The following DISC1 variants were observed in gnomAD, a reference collection of about 807,000 sequenced individuals.
DISC1 encodes disrupted in schizophrenia 1 protein.
Under a neutral mutation model 84.5 loss-of-function variants are expected in DISC1, and 57 were observed. The ratio of observed to expected loss-of-function variants is 0.67; its 90% CI spans 0.55 to 0.84. The LOEUF is 0.84. Ranked by LOEUF, DISC1 falls within the 40% of genes least tolerant of loss-of-function variation. The pLI, the probability that DISC1 is intolerant of heterozygous loss-of-function variation, is 0.00. For synonymous variants in DISC1, 411 were observed against 415.2 expected (o/e 0.99, Z 0.12); for missense variants, 1,000 against 1,057.8 (o/e 0.95, Z 0.76).
At chr1:231,683,311 A>T (rs1283359916) in intron 1 of DISC1, among the ~76,000 whole-genome samples, 1 of 152,088 alleles carries the variant, frequency 6.6e-6, no homozygotes, top group Non-Finnish European at 1.5e-5. Context: ...GCCTCCTAGA[A>T]TCACCTGGAT....
At chr1:231,652,819 G>A (rs1214212892) in intron 1 of DISC1, among the ~76,000 whole-genome samples, 9 of 151,872 alleles carry the variant, frequency 5.9e-5, no homozygotes, top group Admixed American at 1.3e-4. Context: ...TCGCTCTGTC[G>A]CCCAGGCTGG....
intron 2 of DISC1, among the ~76,000 whole-genome samples, chr1:231,700,547 A>G (rs186398789): frequency 2.8e-4 from 43 of 152,308 alleles, no homozygotes; most frequent in Non-Finnish European, 4.9e-4. Context: ...GTAGACTATT[A>G]GTAGTTAAGT....
At chr1:231,633,260 G>C (rs1273142806) in intron 1 of DISC1, among the ~76,000 whole-genome samples, 1 of 152,132 alleles carries the variant, frequency 6.6e-6, no homozygotes, top group African/African-American at 2.4e-5. Context: ...ATCACTTTTT[G>C]ACTAAATTAA....
At chr1:231,903,820 G>A (rs1240300375) in intron 9 of DISC1, among the ~76,000 whole-genome samples, 2 of 152,210 alleles carry the variant, frequency 1.3e-5, no homozygotes, top group Non-Finnish European at 2.9e-5. Flanking sequence ...ATAATAGGAG[G>A]TTAGAAACTT....
chr1:231,749,833 G>T, intron 3 of DISC1, 93 bp from the exon 4 acceptor site: 3 of 1,550,952 alleles, frequency 1.9e-6, no homozygotes, highest in Non-Finnish European at 2.7e-6. Context: ...TTAAGGCAAA[G>T]GTTCACTACA....
At chr1:231,661,185 T>A (rs1318867493) in intron 1 of DISC1, among the ~76,000 whole-genome samples, 1 of 152,010 alleles carries the variant, frequency 6.6e-6, no homozygotes, top group Non-Finnish European at 1.5e-5. Flanking sequence ...TTTTTTTTTT[T>A]CATTTCGACC....
intron 7 of DISC1, among the ~76,000 whole-genome samples, chr1:231,796,450 T>C (rs925557062): frequency 1.3e-5 from 2 of 151,814 alleles, no homozygotes; most frequent in African/African-American, 4.8e-5. Flanking sequence ...AGAAAGAAAG[T>C]CTTGGACCCT....
intron 10 of DISC1, among the ~76,000 whole-genome samples, chr1:231,964,058 G>A (rs1660761904): frequency 6.6e-6 from 1 of 152,132 alleles, no homozygotes; most frequent in African/African-American, 2.4e-5. Flanking sequence ...TTTCATTTCT[G>A]CCTTTTAGTT....
chr1:231,683,868 T>C (rs1220701231), intron 1 of DISC1, among the ~76,000 whole-genome samples: 1 of 152,090 alleles, frequency 6.6e-6, no homozygotes, highest in Non-Finnish European at 1.5e-5. Context: ...GCTGCCACAC[T>C]GTCTGTACCC....
intron 3 of DISC1, among the ~76,000 whole-genome samples, chr1:231,713,678 C>CAGATATATATATATATATATAGG (rs2068168275): frequency 1.6e-5 from 2 of 125,282 alleles, no homozygotes; most frequent in African/African-American, 3.3e-5. Context: ...CATCATGAAG[C>CAGATATATATATATATATATAGG]AGATATATAT....
At chr1:231,994,592 A>C (rs1665650170) in intron 10 of DISC1, among the ~76,000 whole-genome samples, 1 of 152,182 alleles carries the variant, frequency 6.6e-6, no homozygotes, top group South Asian at 2.1e-4. Context: ...GTTGTCTTGA[A>C]GACTAAATGA....
intron 6 of DISC1, among the ~76,000 whole-genome samples, chr1:231,785,598 G>T (rs2077792545): frequency 6.6e-6 from 1 of 152,048 alleles, no homozygotes; most frequent in Non-Finnish European, 1.5e-5. Context: ...CTGGCTGTGT[G>T]AGTGTGTTTT....
chr1:231,988,798 TAC>T (rs1664803232), intron 10 of DISC1, among the ~76,000 whole-genome samples: 1 of 152,238 alleles, frequency 6.6e-6, no homozygotes, highest in African/African-American at 2.4e-5. Flanking sequence ...AAAATGTACC[TAC>T]ACACACAATT....
intron 10 of DISC1, among the ~76,000 whole-genome samples, chr1:231,965,055 G>A (rs560578088): frequency 6.6e-6 from 1 of 152,332 alleles, no homozygotes; most frequent in Non-Finnish European, 1.5e-5. Context: ...ACAGAGACCT[G>A]AAGACCCAGA....
chr1:231,704,631 G>C (rs181248288), intron 3 of DISC1, among the ~76,000 whole-genome samples: 2 of 152,000 alleles, frequency 1.3e-5, no homozygotes, highest in East Asian at 1.9e-4. Flanking sequence ...GTGGTGGCAG[G>C]CGCCTGTAGT....
intron 3 of DISC1, among the ~76,000 whole-genome samples, chr1:231,728,103 G>A (rs983089462): frequency 1.3e-5 from 2 of 152,048 alleles, no homozygotes; most frequent in Admixed American, 1.3e-4. Context: ...GTATGCTAGA[G>A]GATTTCATAC....
At chr1:231,687,519 A>G (rs1367473895) in intron 1 of DISC1, among the ~76,000 whole-genome samples, 1 of 152,182 alleles carries the variant, frequency 6.6e-6, no homozygotes, top group African/African-American at 2.4e-5. Flanking sequence ...GTCCCCTCCC[A>G]CACAACATGG....
intron 11 of DISC1, among the ~76,000 whole-genome samples, chr1:232,015,403 G>A (rs1365690102): frequency 2.6e-5 from 4 of 152,134 alleles, no homozygotes; most frequent in Non-Finnish European, 4.4e-5. Flanking sequence ...CTGAGGGATC[G>A]ATAGCAGGAT....
chr1:231,648,642 C>T (rs560002273), intron 1 of DISC1, among the ~76,000 whole-genome samples: 2 of 152,290 alleles, frequency 1.3e-5, no homozygotes, highest in South Asian at 4.1e-4. Context: ...GTACCAGCTC[C>T]TCTTTGTACT....
Sources: gnomAD v4.1 joint callset for allele counts (sites outside exome capture counted in the v4.1 genomes callset) on GRCh38, gnomAD v4.1.1 for gene constraint, MANE v1.5 for transcripts, NCBI Gene and HGNC (gene_info 2026-07-23, HGNC 2026-07-21) for gene names.